FGF13: variants seen among roughly 807,000 people sequenced by gnomAD.
FGF13 encodes fibroblast growth factor homologous factor 2.
FGF13 carries 2 observed loss-of-function variants against 19.5 expected under a neutral mutation model. The observed-to-expected ratio is 0.10, with a 90% CI of 0.04 to 0.32. The LOEUF is 0.32. FGF13 is among the 10% of genes least tolerant of loss of function. The probability of loss-of-function intolerance (pLI) is 1.00; values close to 1 mark genes in which losing one functional copy is unlikely to be tolerated. For missense variants in FGF13, 113 were observed against 192.7 expected, an observed-to-expected ratio of 0.59 and a Z score of 2.45; for synonymous variants, 72 against 76.9, an observed-to-expected ratio of 0.94 and a Z score of 0.33.
intron 1 of FGF13, among the ~76,000 whole-genome samples, chrX:139,141,047 T>TGATA (rs71855826): frequency 0.079 from 7,039 of 89,045 alleles, 385 homozygotes; most frequent in African/African-American, 0.16. Context: ...ACTAGATAGA[T>TGATA]GATAGATAGA....
At chrX:138,995,535 C>T (rs1008562896) in intron 1 of FGF13, among the ~76,000 whole-genome samples, 6 of 111,929 alleles carry the variant, frequency 5.4e-5, no homozygotes, top group African/African-American at 2.0e-4. Flanking sequence ...CCATTTAGTT[C>T]CCACAAACAA....
intron 3 of FGF13, among the ~76,000 whole-genome samples, chrX:138,674,144 G>C (rs914350535): frequency 9.1e-6 from 1 of 110,320 alleles, no homozygotes; most frequent in African/African-American, 3.3e-5. Flanking sequence ...AGAGGAGGGG[G>C]AGAAGTAGAA....
intron 1 of FGF13, among the ~76,000 whole-genome samples, chrX:139,197,993 CAAAAAAA>C (rs57335781): frequency 1.2e-3 from 29 of 23,290 alleles, no homozygotes; most frequent in African/African-American, 2.6e-3. Context: ...GACCCTACCT[CAAAAAAA>C]AAAAAAAAAA....
chrX:138,945,252 T>A (rs1043993758), intron 1 of FGF13, among the ~76,000 whole-genome samples: 2 of 111,389 alleles, frequency 1.8e-5, no homozygotes, highest in Non-Finnish European at 3.8e-5. Flanking sequence ...CTATGAAGAC[T>A]ACGTGCGACA....
At chrX:139,189,065 CCA>C (rs3048351) in intron 1 of FGF13, among the ~76,000 whole-genome samples, 13,718 of 102,415 alleles carry the variant, frequency 0.13, 1,586 homozygotes, top group African/African-American at 0.36. Flanking sequence ...TTCATTGTTT[CCA>C]CACACACACA....
rs1236015809 is a variant in FGF13 at position 139,106,017 on chromosome X, G to T, written c.-113+97399C>A. 3.6e-5 allele frequency among the ~76,000 whole-genome samples: 4 copies of T among 112,256 alleles called. No individual in the cohort carries two copies. In the Admixed American group the frequency reaches 3.8e-4, roughly 11 times the overall value. On this transcript the variant is annotated intron_variant, in intron 1 of 2. Transcript: ENST00000421460. Reference sequence around the variant, plus strand: ...ACAGATTGTGGAGAGGCATTTGGTTGACTTCTGTTGGCAATAGCAGCATTC... The same window carrying T: ...ACAGATTGTGGAGAGGCATTTGGTTTACTTCTGTTGGCAATAGCAGCATTC...
rs557771092 is a variant in FGF13, at chrX:138,960,623, C to A, written c.-112-95973G>T. ...GAGTGTTTTCCAACTTCGTTCCATT[C>A]TCCCCGTCACTTTCAGGTACACCAA... On this transcript the variant is annotated intron_variant, in intron 1 of 2. Coordinates refer to the FGF13 transcript ENST00000421460. Among the ~76,000 whole-genome samples the A allele has an allele frequency of 5.4e-5, 6 of 112,018 alleles. No homozygotes were observed. In the East Asian group the frequency reaches 1.4e-3, roughly 26 times the overall value.
intron 1 of FGF13, among the ~76,000 whole-genome samples, chrX:138,868,106 T>C (rs1471870183): frequency 8.9e-6 from 1 of 111,962 alleles, no homozygotes; most frequent in Non-Finnish European, 1.9e-5. Flanking sequence ...ATGTTCAATA[T>C]GTGACTGGCT....
chrX:138,868,328 C>T (rs1396295937), intron 1 of FGF13, among the ~76,000 whole-genome samples: 2 of 111,085 alleles, frequency 1.8e-5, no homozygotes, highest in African/African-American at 6.6e-5. Flanking sequence ...AGAAAACTCA[C>T]TGCCCTATGC....
At chrX:138,852,466 A>T (rs2124130546) in intron 3 of FGF13, among the ~76,000 whole-genome samples, 1 of 112,021 alleles carries the variant, frequency 8.9e-6, no homozygotes, top group South Asian at 3.7e-4. Flanking sequence ...AGGATTCCCT[A>T]CTTAATAAAT....
chrX:139,040,027 C>T (rs1340486644), intron 1 of FGF13, among the ~76,000 whole-genome samples: 1 of 112,064 alleles, frequency 8.9e-6, no homozygotes, highest in Non-Finnish European at 1.9e-5. Context: ...ATAGTATGGC[C>T]TGAGAGAACT....
upstream of FGF13, chrX:139,203,962 G>A (rs2084441273): frequency 1.2e-5 from 11 of 939,515 alleles, no homozygotes; most frequent in Admixed American, 4.4e-5. Context: ...CTTAGGCTCC[G>A]GGAAGGAGGC....
intron 1 of FGF13, among the ~76,000 whole-genome samples, chrX:139,017,352 T>TATATAC (rs1556336371): frequency 3.4e-4 from 37 of 107,407 alleles, no homozygotes; most frequent in East Asian, 1.5e-3. Flanking sequence ...TATATATATA[T>TATATAC]ACACACACAC....
downstream of FGF13, among the ~76,000 whole-genome samples, chrX:138,855,121 C>A (rs1237536289): frequency 1.8e-5 from 2 of 111,877 alleles, no homozygotes; most frequent in East Asian, 5.6e-4. Flanking sequence ...CTGCAAAAAT[C>A]TTCCAGGTTG....
chrX:139,192,943 G>A (rs1182958643), intron 1 of FGF13, among the ~76,000 whole-genome samples: 1 of 111,763 alleles, frequency 8.9e-6, no homozygotes, highest in Non-Finnish European at 1.9e-5. Context: ...TGAAGGCAGG[G>A]ATAGTTATCT....
chrX:138,704,525 C>G (rs2089977019), intron 2 of FGF13, among the ~76,000 whole-genome samples: 1 of 111,854 alleles, frequency 8.9e-6, no homozygotes, highest in Non-Finnish European at 1.9e-5. Flanking sequence ...AAGGAGTCAC[C>G]CTGTGGGTAA....
intron 1 of FGF13, among the ~76,000 whole-genome samples, chrX:139,120,486 C>G (rs2083669811): frequency 9.0e-6 from 1 of 111,445 alleles, no homozygotes; most frequent in Non-Finnish European, 1.9e-5. Context: ...GTCCCAAAGC[C>G]AAAAGGAAGA....
chrX:138,779,039 C>G (rs1321002434), intron 3 of FGF13, among the ~76,000 whole-genome samples: 1 of 112,126 alleles, frequency 8.9e-6, no homozygotes, highest in African/African-American at 3.2e-5. Context: ...CTGGGAGGCA[C>G]CCCCAGCAGG....
chrX:139,066,158 G>A (rs762695287), intron 1 of FGF13, among the ~76,000 whole-genome samples: 1 of 111,779 alleles, frequency 8.9e-6, no homozygotes, highest in African/African-American at 3.2e-5. Flanking sequence ...GAATCTCTGG[G>A]ACACATTTAA....
Sources: allele counts gnomAD v4.1 joint callset (sites outside exome capture counted in the v4.1 genomes callset), GRCh38; gene constraint gnomAD v4.1.1; transcripts MANE v1.5; gene names NCBI Gene and HGNC (gene_info 2026-07-23, HGNC 2026-07-21).